The following STPG2 variants were observed in gnomAD, a reference collection of about 807,000 sequenced individuals.
STPG2 encodes the protein sperm-tail PG-rich repeat-containing protein 2.
A neutral mutation model predicts 54.2 loss-of-function variants in STPG2; 56 were observed. The observed-to-expected ratio is 1.03, with a 90% CI of 0.83 to 1.29. STPG2 has a LOEUF of 1.29. Ranked by LOEUF, STPG2 falls within the 50% of genes most tolerant of loss-of-function variation. The pLI is 0.00. For missense variants in STPG2, 596 were observed against 544.9 expected (o/e 1.09, Z -0.93); for synonymous variants, 200 against 181.8 (o/e 1.10, Z -0.81).
chr4:97,582,210 T>A (rs967706097), intron 10 of STPG2, among the ~76,000 whole-genome samples: 2 of 152,176 alleles, frequency 1.3e-5, no homozygotes, highest in East Asian at 3.9e-4. Context: ...CTGCAAATGT[T>A]TTCTAAACAA....
At chr4:98,047,459 G>A (rs1316187256) in intron 5 of STPG2, among the ~76,000 whole-genome samples, 1 of 152,172 alleles carries the variant, frequency 6.6e-6, no homozygotes, top group Non-Finnish European at 1.5e-5. Context: ...CCCTTCCAGG[G>A]AGAAACGGGG....
intron 7 of STPG2, among the ~76,000 whole-genome samples, chr4:97,967,441 C>A (rs959593479): frequency 1.3e-5 from 2 of 152,064 alleles, no homozygotes; most frequent in Non-Finnish European, 2.9e-5. Flanking sequence ...CAATAGTAGA[C>A]ATATCAATGA....
In STPG2 at chr4:97,542,822, G is replaced by A. The variant is rs1222963184; in HGVS notation, c.462+169877C>T. Among the ~76,000 whole-genome samples, 4 of 152,256 alleles carry A rather than the reference G, an allele frequency of 2.6e-5. No homozygotes were observed. The East Asian group carries it at 7.7e-4, about 29-fold the overall frequency. On this transcript the variant is annotated intron_variant, in intron 4 of 4. Transcript: ENST00000522676. ...ATGATGAGTTCATGTCCTTTGTAGG[G>A]ACATAGATGAAGCTGGAAACCATCA...
At chr4:97,602,968 A>G (rs1733502352) in intron 10 of STPG2, among the ~76,000 whole-genome samples, 1 of 151,754 alleles carries the variant, frequency 6.6e-6, no homozygotes, top group Non-Finnish European at 1.5e-5. Flanking sequence ...ATCAATTTCA[A>G]CAGTTTACAT....
At chr4:97,623,552 C>G (rs1734066398) in intron 10 of STPG2, among the ~76,000 whole-genome samples, 1 of 152,082 alleles carries the variant, frequency 6.6e-6, no homozygotes, top group African/African-American at 2.4e-5. Flanking sequence ...AAACACATCT[C>G]ACACCAGTCA....
At chr4:97,767,454 G>A (rs1329958827) in intron 9 of STPG2, among the ~76,000 whole-genome samples, 1 of 151,932 alleles carries the variant, frequency 6.6e-6, no homozygotes, top group African/African-American at 2.4e-5. Context: ...TAAACATGGT[G>A]GCATGTTTTA....
intron 8 of STPG2, among the ~76,000 whole-genome samples, chr4:97,856,326 C>T (rs6810536): frequency 0.017 from 2,597 of 152,168 alleles, 74 homozygotes; most frequent in African/African-American, 0.059. Context: ...TGTTTGTGTC[C>T]TCTCTTATAT....
intron 9 of STPG2, among the ~76,000 whole-genome samples, chr4:97,791,833 A>T (rs1177710214): frequency 6.6e-6 from 1 of 152,112 alleles, no homozygotes; most frequent in Non-Finnish European, 1.5e-5. Flanking sequence ...AAAAAAAAGT[A>T]CGTTGATGAA....
intron 5 of STPG2, among the ~76,000 whole-genome samples, chr4:98,023,624 C>T (rs1419270992): frequency 6.6e-6 from 1 of 152,150 alleles, no homozygotes; most frequent in Admixed American, 6.5e-5. Context: ...TGTGCCCTGC[C>T]CCCAGAGGTG....
intron 5 of STPG2, among the ~76,000 whole-genome samples, chr4:98,014,500 A>G (rs1735866236): frequency 6.6e-6 from 1 of 151,988 alleles, no homozygotes; most frequent in Non-Finnish European, 1.5e-5. Flanking sequence ...GTTTTTTTGG[A>G]TGGGAGCCTC....
chr4:98,136,223 T>C (rs966253410), intron 1 of STPG2, among the ~76,000 whole-genome samples: 69 of 151,776 alleles, frequency 4.5e-4, no homozygotes, highest in African/African-American at 1.6e-3. Context: ...TGTGGATTAA[T>C]AAAATACATT....
intron 5 of STPG2, chr4:98,026,066 A>C: frequency 2.6e-6 from 3 of 1,134,754 alleles, no homozygotes; most frequent in Non-Finnish European, 3.9e-6. Context: ...CATAAAGAAC[A>C]GAGTAACTCC....
At chr4:97,515,322 G>A (rs1273885155) in intron 4 of STPG2, among the ~76,000 whole-genome samples, 1 of 151,974 alleles carries the variant, frequency 6.6e-6, no homozygotes, top group Non-Finnish European at 1.5e-5. Flanking sequence ...ACCCATTTGG[G>A]AAACAATATT....
rs182617795 is a variant in STPG2 at position 97,977,844 on chromosome 4, G to A, written c.772+3315C>T. 5.3e-5 allele frequency among the ~76,000 whole-genome samples: 8 copies of A among 152,304 alleles called. No individual in the cohort carries two copies. In the East Asian group the frequency reaches 7.7e-4, roughly 15 times the overall value. On this transcript the variant is annotated intron_variant, in intron 6 of 10. Transcript: ENST00000295268. ...CAGACAATCGGTCAGAAACTAGAGCGACCTGATGAGTTAGAATAAAGGCCT... is the reference window on the plus strand; with the variant it reads ...CAGACAATCGGTCAGAAACTAGAGCAACCTGATGAGTTAGAATAAAGGCCT...
At chr4:97,976,542 AC>A (rs1398102832) in intron 6 of STPG2, among the ~76,000 whole-genome samples, 2 of 152,080 alleles carry the variant, frequency 1.3e-5, no homozygotes, top group African/African-American at 4.8e-5. Context: ...ATGCCCAGGA[AC>A]CCCAGATCAG....
At chr4:97,742,837 T>A (rs1280947954) in intron 9 of STPG2, among the ~76,000 whole-genome samples, 1 of 151,588 alleles carries the variant, frequency 6.6e-6, no homozygotes, top group African/African-American at 2.4e-5. Context: ...AGATCTCAAG[T>A]ACAGCATGAG....
chr4:97,617,562 A>G (rs570568567), intron 10 of STPG2, among the ~76,000 whole-genome samples: 27 of 152,148 alleles, frequency 1.8e-4, no homozygotes, highest in Non-Finnish European at 3.4e-4. Flanking sequence ...ACAGAGATTC[A>G]AGGGTTAAGC....
At chr4:97,540,533 T>A (rs981512236) in intron 4 of STPG2, among the ~76,000 whole-genome samples, 1 of 152,190 alleles carries the variant, frequency 6.6e-6, no homozygotes. Flanking sequence ...CACAGCCGAA[T>A]TCTACCAGAG....
At chr4:97,487,948 G>C (rs909869737) in intron 4 of STPG2, among the ~76,000 whole-genome samples, 1 of 151,342 alleles carries the variant, frequency 6.6e-6, no homozygotes, top group Non-Finnish European at 1.5e-5. Flanking sequence ...GAAAATACAT[G>C]TGTAATATAA....
Sources: gnomAD v4.1 joint callset for allele counts (sites outside exome capture counted in the v4.1 genomes callset) on GRCh38, gnomAD v4.1.1 for gene constraint, MANE v1.5 for transcripts, NCBI Gene and HGNC (gene_info 2026-07-23, HGNC 2026-07-21) for gene names.